The following NEK4 variants were observed in gnomAD, a reference collection of about 807,000 sequenced individuals.
NEK4 encodes NIMA related kinase 4, also known as serine/threonine-protein kinase Nek4.
Under a neutral mutation model 98.4 loss-of-function variants are expected in NEK4, and 86 were observed. The observed-to-expected ratio is 0.87, with a 90% CI of 0.73 to 1.05. The LOEUF (loss-of-function observed/expected upper bound fraction) is 1.05, where lower values mean the gene tolerates loss of function less well. Ranked by LOEUF, NEK4 falls within the 50% of genes least tolerant of loss-of-function variation. The pLI is 0.00. For missense variants in NEK4, 898 were observed against 950.3 expected, an observed-to-expected ratio of 0.94 and a Z score of 0.72; for synonymous variants, 328 against 342.2, an observed-to-expected ratio of 0.96 and a Z score of 0.46.
In NEK4 at chr3:52,744,262, G is replaced by C. The variant is rs1377485883; in HGVS notation, c.1871C>G (p.Ser624Ter). 1 of 1,613,804 alleles carries C rather than the reference G, an allele frequency of 6.2e-7. No homozygotes were observed. The highest frequency in any genetic ancestry group is 1.1e-5 in the South Asian group (1 of 91,068). The change falls in exon 11 of 16, where the codon TCA becomes TGA. Residue 624 changes from serine (S) to a stop codon, truncating the protein, a stop_gained. Coordinates refer to ENST00000233027, the MANE Select transcript of NEK4 (RefSeq NM_003157.6). LOFTEE classifies it high-confidence loss of function. Reference protein sequence around the residue: ...SARERRRLKQSQEEMSSSGPS... With the variant: ...SARERRRLKQ ...ACCTGAAGAGGACATTTCTTCCTGT[G>C]ACTGCTTTAGTCGCCTCCTCTCTCT...
chr3:52,764,850 G>A (rs1698496125), intron 4 of NEK4, among the ~76,000 whole-genome samples: 1 of 151,894 alleles, frequency 6.6e-6, no homozygotes, highest in African/African-American at 2.4e-5. Flanking sequence ...GAAAGGCCAT[G>A]TACCAATTTG....
Position 52,760,810 on chromosome 3 carries a change from G to A in NEK4, c.948C>T (p.Ser316=). ...AGAAACGTACCATTATATATGTCTG[G>A]GAGCCCTCAGAAGAGAGTGGTTGGG... is the stretch of plus-strand genomic sequence containing the variant. ...IHPQPLSSEG[S]QTYIMGEGKC... is the part of the protein sequence containing the mutation. The change falls in exon 6 of 16, where the codon TCC becomes TCT. Residue 316 remains serine (S), a synonymous_variant. Transcript: ENST00000233027. 1 of 1,607,440 alleles carries A rather than the reference G, an allele frequency of 6.2e-7. No homozygotes were observed. Among genetic ancestry groups the A allele is most frequent in the Non-Finnish European group, 8.5e-7 (1 of 1,177,104 alleles).
Position 52,744,348 on chromosome 3 carries a change from A to G in NEK4, c.1828-43T>C, listed in dbSNP as rs749506244. On this transcript the variant is annotated intron_variant, in intron 10 of 15. Coordinates refer to ENST00000233027, the MANE Select transcript of NEK4 (RefSeq NM_003157.6). ...AGAGTCACTTCCATTCCTACTTGCT[A>G]TTTTTATAACACCTACAATCCATGA... 18 of 1,421,564 alleles carry G rather than the reference A, an allele frequency of 1.3e-5. No individual in the cohort carries two copies. The African/African-American group carries it at 1.7e-4, about 13-fold the overall frequency. The allele number at this position is 1,421,564 out of a possible 1,614,324, so 88.1% of individuals were successfully genotyped here. A position where few individuals can be genotyped will look rare whatever the true frequency, so the allele number is the denominator to read the frequency against.
At chr3:52,736,000 G>A (rs2097375285) in intron 15 of NEK4, among the ~76,000 whole-genome samples, 1 of 152,220 alleles carries the variant, frequency 6.6e-6, no homozygotes, top group South Asian at 2.1e-4. Flanking sequence ...CTGATGTACT[G>A]TGTGGTCTAG....
chr3:52,759,541 C>A (rs748435083), intron 6 of NEK4, among the ~76,000 whole-genome samples: 1 of 152,122 alleles, frequency 6.6e-6, no homozygotes, highest in Non-Finnish European at 1.5e-5. Context: ...CCACTTTACA[C>A]CCACTAGGAT....
intron 15 of NEK4, among the ~76,000 whole-genome samples, chr3:52,727,619 C>T (rs551859385): frequency 2.0e-5 from 3 of 152,222 alleles, no homozygotes; most frequent in African/African-American, 7.2e-5. Context: ...ATCACAGGTG[C>T]CCAACACCAC....
At chr3:52,744,914 T>C (rs375223803) in intron 10 of NEK4, among the ~76,000 whole-genome samples, 15 of 151,820 alleles carry the variant, frequency 9.9e-5, no homozygotes, top group Non-Finnish European at 2.2e-4. Context: ...ATTCGGAATC[T>C]ACTTGGTTTC....
intron 4 of NEK4, 113 bp downstream of exon 4, chr3:52,765,774 C>A: frequency 1.5e-6 from 1 of 677,876 alleles, no homozygotes; most frequent in Non-Finnish European, 2.6e-6. Context: ...ACTATCAACC[C>A]AATCTCAATA....
At position 52,751,913 on chromosome 3, in the gene NEK4, A is replaced by T; in HGVS notation, c.1368+19T>A. The T allele has an allele frequency of 1.2e-6, 2 of 1,600,678 alleles. No individual in the cohort carries two copies. Among genetic ancestry groups the T allele is most frequent in the Middle Eastern group, 2.1e-4 (1 of 4,872 alleles). Reference sequence around the variant, plus strand: ...GTCTTCTCTCCAAAACCAGTATCTCATGTGTGCATATCACTCACCTGGTCC... The same window carrying T: ...GTCTTCTCTCCAAAACCAGTATCTCTTGTGTGCATATCACTCACCTGGTCC... On this transcript the variant is annotated intron_variant, in intron 7 of 15. Transcript: ENST00000233027.
intron 12 of NEK4, 33 bp from the exon 13 acceptor site, chr3:52,741,532 A>C (rs758859568): frequency 3.0e-6 from 4 of 1,332,608 alleles, no homozygotes; most frequent in Non-Finnish European, 3.2e-6. Flanking sequence ...AAAATTCTAC[A>C]TGACAACACA....
chr3:52,753,815 T>C lies in NEK4; in HGVS notation c.964-1479A>G. 3 of 462,174 alleles carry C rather than the reference T, an allele frequency of 6.5e-6. 1 individual carries two copies. The highest frequency in any genetic ancestry group is 5.1e-5 in the South Asian group (3 of 58,794). The allele number at this position is 462,174 out of a possible 1,614,324, so 28.6% of individuals were successfully genotyped here. ...GTTATTAGGTGTCTATGTGCAGCCA[T>C]CTTATCCCTCTGTATTAAAGTGGTT... On this transcript the variant is annotated intron_variant, in intron 6 of 15. Coordinates refer to ENST00000233027, the MANE Select transcript of NEK4 (RefSeq NM_003157.6).
rs1698764092 is a variant in NEK4 at position 52,770,922 on chromosome 3, C to T, written c.-176G>A. ...GCGACGACGCCGCTGCCATAGCGAT[C>T]CGGGCCGGGAGCAGTTCTGCGCATG... On this transcript the variant is annotated 5_prime_UTR_variant, in exon 1 of 16. Transcript: ENST00000233027. The T allele has an allele frequency of 1.6e-6, 1 of 612,246 alleles. No individual in the cohort carries two copies. Among genetic ancestry groups the T allele is most frequent in the Non-Finnish European group, 2.9e-6 (1 of 348,600 alleles). The allele number at this position is 612,246 out of a possible 1,614,324, so 37.9% of individuals were successfully genotyped here.
At chr3:52,729,622 C>T (rs1037785752) in intron 15 of NEK4, among the ~76,000 whole-genome samples, 2 of 150,530 alleles carry the variant, frequency 1.3e-5, no homozygotes, top group South Asian at 2.1e-4. Context: ...ATGGGAGAAT[C>T]GCTTGAACCC....
intron 10 of NEK4, 73 bp downstream of exon 10, chr3:52,745,988 G>A: frequency 7.3e-7 from 1 of 1,377,534 alleles, no homozygotes; most frequent in Non-Finnish European, 1.0e-6. Context: ...CTCCCAAAGT[G>A]CTGGGATTAC....
chr3:52,718,168 C>T (rs147981819), intron 15 of NEK4, among the ~76,000 whole-genome samples: 164 of 152,008 alleles, frequency 1.1e-3, no homozygotes, highest in African/African-American at 3.8e-3. Flanking sequence ...TCCTACTTAG[C>T]TCTTTAGAAA....
Position 52,709,220 on chromosome 3 carries a change from A to G in NEK4, c.*2557T>C, listed in dbSNP as rs1578604385. On this transcript the variant is annotated 3_prime_UTR_variant, in exon 16 of 16. Coordinates refer to ENST00000233027, the MANE Select transcript of NEK4 (RefSeq NM_003157.6). Reference sequence around the variant, plus strand: ...AAAGAATGATTGACATTTTAGAACCAATGCCAAAAGAGTAACACATCAAAG... The same window carrying G: ...AAAGAATGATTGACATTTTAGAACCGATGCCAAAAGAGTAACACATCAAAG... 1.3e-5 allele frequency: 2 copies of G among 151,826 alleles called. No individual in the cohort carries two copies. The highest frequency in any genetic ancestry group is 1.3e-4 in the Admixed American group (2 of 15,210). 9.4% of individuals were successfully genotyped at this position (151,826 alleles called of 1,614,324 possible). A position where few individuals can be genotyped will look rare whatever the true frequency, so the allele number is the denominator to read the frequency against.
At chr3:52,730,853 T>C (rs1012268052) in intron 15 of NEK4, among the ~76,000 whole-genome samples, 6 of 152,040 alleles carry the variant, frequency 3.9e-5, no homozygotes, top group Non-Finnish European at 7.4e-5. Flanking sequence ...AGACAGAAAG[T>C]AGATGGGTGG....
intron 15 of NEK4, among the ~76,000 whole-genome samples, chr3:52,718,472 C>CAAA (rs35974184): frequency 2.2e-5 from 2 of 92,426 alleles, no homozygotes; most frequent in South Asian, 4.1e-4. Flanking sequence ...GACTCCGTCT[C>CAAA]AAAAAAAAAA....
rs187347770 is a variant in NEK4, at chr3:52,756,387, A to G, written c.964-4051T>C. On this transcript the variant is annotated intron_variant, in intron 6 of 15. Coordinates refer to ENST00000233027, the MANE Select transcript of NEK4 (RefSeq NM_003157.6). ...ATTATCAAAACAGTGTAGTATTAGT[A>G]TAAAAACAGACATTAGACATAGAAA... Among the ~76,000 whole-genome samples, 266 of 152,360 alleles carry G rather than the reference A, an allele frequency of 1.7e-3. 11 individuals carry two copies. The South Asian group carries it at 0.054, about 31-fold the overall frequency.
Sources: gnomAD v4.1 joint callset for allele counts (sites outside exome capture counted in the v4.1 genomes callset) on GRCh38, gnomAD v4.1.1 for gene constraint, MANE v1.5 for transcripts, NCBI Gene and HGNC (gene_info 2026-07-23, HGNC 2026-07-21) for gene names.